ATP1B3: variants seen among roughly 807,000 people sequenced by gnomAD.
The protein encoded by ATP1B3 is ATPase Na+/K+ transporting subunit beta 3, also known as sodium/potassium-transporting ATPase subunit beta-3.
Under a neutral mutation model 30.2 loss-of-function variants are expected in ATP1B3, and 10 were observed. The observed-to-expected ratio is 0.33, with a 90% CI of 0.20 to 0.56. The LOEUF is 0.56. Ranked by LOEUF, ATP1B3 falls within the 20% of genes least tolerant of loss-of-function variation. The pLI is 0.90. For synonymous variants in ATP1B3, 113 were observed against 117.0 expected (o/e 0.97, Z 0.22); for missense variants, 238 against 336.7 (o/e 0.71, Z 2.29).
intron 2 of ATP1B3, among the ~76,000 whole-genome samples, chr3:141,905,477 G>T (rs1416614653): frequency 2.0e-5 from 3 of 152,156 alleles, no homozygotes; most frequent in Non-Finnish European, 4.4e-5. Flanking sequence ...CTAGATCCTT[G>T]CTCACTGTAT....
chr3:141,885,305 G>A (rs1319034456), intron 1 of ATP1B3, among the ~76,000 whole-genome samples: 1 of 152,074 alleles, frequency 6.6e-6, no homozygotes, highest in African/African-American at 2.4e-5. Context: ...CAAGACACAC[G>A]TTCAGAGGAC....
intron 3 of ATP1B3, among the ~76,000 whole-genome samples, chr3:141,908,208 A>T (rs755907872): frequency 7.3e-5 from 11 of 151,696 alleles, no homozygotes; most frequent in Non-Finnish European, 1.6e-4. Flanking sequence ...CTGATTTTTA[A>T]TACATCCGTT....
intron 2 of ATP1B3, among the ~76,000 whole-genome samples, chr3:141,906,183 CTTT>C (rs764571280): frequency 2.1e-5 from 3 of 142,732 alleles, no homozygotes; most frequent in Non-Finnish European, 3.1e-5. Context: ...AGATCTAATG[CTTT>C]TTTTTTTTTT....
chr3:141,906,183 C>CTT (rs764571280), intron 2 of ATP1B3, among the ~76,000 whole-genome samples: 5 of 142,756 alleles, frequency 3.5e-5, no homozygotes, highest in African/African-American at 5.1e-5. Context: ...AGATCTAATG[C>CTT]TTTTTTTTTT....
At chr3:141,894,065 T>C (rs1934012188) in intron 1 of ATP1B3, among the ~76,000 whole-genome samples, 1 of 152,212 alleles carries the variant, frequency 6.6e-6, no homozygotes, top group Admixed American at 6.5e-5. Flanking sequence ...AGTATTTGTC[T>C]GTAAACATAT....
rs550281751 is a variant in ATP1B3 at position 141,911,359 on chromosome 3, T to C, written c.347-2293T>C. The stretch of plus-strand genomic sequence containing the variant: ...CTCCTTTTTCATGTTTGAAAGATAC[T>C]ATAATATATCTGGTTAAAAAATAAT... On this transcript the variant is annotated intron_variant, in intron 3 of 6. Transcript: ENST00000286371. 5.9e-5 allele frequency among the ~76,000 whole-genome samples: 9 copies of C among 152,308 alleles called. 1 individual carries two copies. Among genetic ancestry groups the C allele is most frequent in the African/African-American group, 2.2e-4 (9 of 41,568 alleles).
intron 1 of ATP1B3, among the ~76,000 whole-genome samples, chr3:141,879,835 T>TTTTTTTTAA (rs1933688308): frequency 1.5e-5 from 2 of 136,468 alleles, no homozygotes; most frequent in Non-Finnish European, 3.2e-5. Flanking sequence ...TTTTTTTTTT[T>TTTTTTTTAA]AAGAAAAACA....
chr3:141,910,781 C>CG lies in ATP1B3; in HGVS notation c.347-2871_347-2870insG, dbSNP rs533235317. Among the ~76,000 whole-genome samples, 1,070 of 149,788 alleles carry CG rather than the reference C, an allele frequency of 7.1e-3. 7 individuals are homozygous for CG. Among genetic ancestry groups the CG allele is most frequent in the Non-Finnish European group, 0.012 (780 of 67,688 alleles). On this transcript the variant is annotated intron_variant, in intron 3 of 6. Coordinates refer to ENST00000286371, the MANE Select transcript of ATP1B3 (RefSeq NM_001679.4). ...GTTTCTTGGCTCTTGCCCTGCCCCC[C>CG]CCTTTTTTTTAATTATTTTTATTTT...
At chr3:141,908,396 C>T (rs866683518) in intron 3 of ATP1B3, among the ~76,000 whole-genome samples, 5 of 152,310 alleles carry the variant, frequency 3.3e-5, no homozygotes, top group South Asian at 4.1e-4. Context: ...CAGACACCTG[C>T]AACTGCTCCC....
chr3:141,907,973 C>A (rs543631633), intron 3 of ATP1B3, among the ~76,000 whole-genome samples: 86 of 137,628 alleles, frequency 6.2e-4, no homozygotes, highest in African/African-American at 2.2e-3. Flanking sequence ...TATTTTATTT[C>A]TTTTTTTTTG....
intron 1 of ATP1B3, among the ~76,000 whole-genome samples, chr3:141,879,840 A>G (rs1358770679): frequency 1.1e-5 from 1 of 90,600 alleles, no homozygotes; most frequent in Non-Finnish European, 2.5e-5. Context: ...TTTTTTAAGA[A>G]AAACAGCCTT....
intron 3 of ATP1B3, among the ~76,000 whole-genome samples, 197 bp downstream of exon 3, chr3:141,907,471 A>G (rs960210790): frequency 2.6e-5 from 4 of 152,016 alleles, no homozygotes; most frequent in African/African-American, 9.7e-5. Flanking sequence ...GTGAAACCCC[A>G]TCTCTACCAA....
chr3:141,878,723 A>T (rs1933655831), intron 1 of ATP1B3, among the ~76,000 whole-genome samples: 1 of 152,242 alleles, frequency 6.6e-6, no homozygotes, highest in South Asian at 2.1e-4. Flanking sequence ...TTTTGGAAGG[A>T]TTAAGTCAAT....
chr3:141,881,791 G>GT (rs555774006), intron 1 of ATP1B3, among the ~76,000 whole-genome samples: 94 of 152,336 alleles, frequency 6.2e-4, no homozygotes, highest in African/African-American at 2.1e-3. Flanking sequence ...CACTGGGAAA[G>GT]TAACAGGACT....
chr3:141,917,160 T>G (rs904114116), intron 5 of ATP1B3, among the ~76,000 whole-genome samples: 2 of 152,016 alleles, frequency 1.3e-5, no homozygotes, highest in African/African-American at 4.8e-5. Flanking sequence ...GCCCAAAATT[T>G]GCATTTCTCA....
intron 1 of ATP1B3, among the ~76,000 whole-genome samples, chr3:141,880,388 C>A (rs760661843): frequency 6.6e-5 from 10 of 152,146 alleles, no homozygotes; most frequent in Non-Finnish European, 8.8e-5. Context: ...GTGTACTTAG[C>A]ACTGGTTTTC....
intron 1 of ATP1B3, among the ~76,000 whole-genome samples, chr3:141,883,550 C>T (rs568675107): frequency 6.6e-6 from 1 of 152,236 alleles, no homozygotes; most frequent in Non-Finnish European, 1.5e-5. Context: ...TAAAATAAAA[C>T]CTTTTTCTAT....
At position 141,904,703 on chromosome 3, in the gene ATP1B3, C is replaced by CTTTT. The variant is rs35178202; in HGVS notation, c.238+975_238+978dup. On this transcript the variant is annotated intron_variant, in intron 2 of 6. Coordinates refer to ENST00000286371, the MANE Select transcript of ATP1B3 (RefSeq NM_001679.4). ...CCTGATTTTATTCTTTTTAAACAGT[C>CTTTT]TTTTTTTTTTTTTTTTTTTTTTTGA... 6.9e-3 allele frequency among the ~76,000 whole-genome samples: 620 copies of CTTTT among 89,350 alleles called. 28 individuals are homozygous for CTTTT. Among genetic ancestry groups the CTTTT allele is most frequent in the Middle Eastern group, 0.012 (1 of 82 alleles). The allele number at this position is 89,350 out of a possible 152,430, so 58.6% of individuals were successfully genotyped here.
At chr3:141,902,254 T>C (rs1934178142) in intron 1 of ATP1B3, 1 of 1,250,240 alleles carries the variant, frequency 8.0e-7, no homozygotes, top group Non-Finnish European at 1.0e-6. Flanking sequence ...GGTAGAATGC[T>C]AGTCTAAATT....
Sources: allele counts gnomAD v4.1 joint callset (sites outside exome capture counted in the v4.1 genomes callset), GRCh38; gene constraint gnomAD v4.1.1; transcripts MANE v1.5; gene names NCBI Gene and HGNC (gene_info 2026-07-23, HGNC 2026-07-21).